Variants in EDNRA observed in about 807,000 individuals in gnomAD.
The protein encoded by EDNRA is endothelin receptor type A, also known as endothelin-1 receptor.
In EDNRA, 11 loss-of-function variants were observed where a neutral mutation model predicts 41.4. That is an observed-to-expected ratio of 0.27 (90% CI 0.17 to 0.44). The LOEUF is 0.44. EDNRA is among the 20% of genes least tolerant of loss of function. The pLI, the probability that EDNRA is intolerant of heterozygous loss-of-function variation, is 1.00. For synonymous variants in EDNRA, 172 were observed against 183.0 expected, an observed-to-expected ratio of 0.94 and a Z score of 0.49; for missense variants, 294 against 531.0, an observed-to-expected ratio of 0.55 and a Z score of 4.39.
At chr4:147,532,325 CAAA>C (rs59851236) in intron 3 of EDNRA, among the ~76,000 whole-genome samples, 178 bp from the exon 4 acceptor site, 1,395 of 60,376 alleles carry the variant, frequency 0.023, 29 homozygotes, top group African/African-American at 0.081. Flanking sequence ...GATTTTGCCT[CAAA>C]AAAAAAAAAA....
rs182971059 is a variant in EDNRA, at chr4:147,485,027, C to T, written c.-70-585C>T. On this transcript the variant is annotated intron_variant, in intron 1 of 7. Coordinates refer to ENST00000651419, the MANE Select transcript of EDNRA (RefSeq NM_001957.4). Reference sequence around the variant, plus strand: ...TTTTAGAAGATTCAATTTTTACATTCGATAATTTTATTTTATGCCTCAATA... The same window carrying T: ...TTTTAGAAGATTCAATTTTTACATTTGATAATTTTATTTTATGCCTCAATA... 3.0e-3 allele frequency among the ~76,000 whole-genome samples: 461 copies of T among 152,210 alleles called. 3 individuals carry two copies. The highest frequency in any genetic ancestry group is 0.027 in the South Asian group (128 of 4,828).
At chr4:147,483,049 C>G (rs1728826639) in intron 1 of EDNRA, among the ~76,000 whole-genome samples, 1 of 152,216 alleles carries the variant, frequency 6.6e-6, no homozygotes, top group Non-Finnish European at 1.5e-5. Context: ...TCTTCTCCCC[C>G]CTGTATCTGT....
rs1731136142 is a variant in EDNRA, at chr4:147,542,390, C to T, written c.1144-88C>T. 8 of 1,556,132 alleles carry T rather than the reference C, an allele frequency of 5.1e-6. No homozygotes were observed. The African/African-American group carries it at 5.4e-5, about 11-fold the overall frequency. ...TCCCTCGAATGCGAATGGACATTTG[C>T]CCCTCATTAGCATGGCCCAGGGCCG... On this transcript the variant is annotated intron_variant, in intron 7 of 7. Transcript: ENST00000651419.
chr4:147,542,430 G>C (rs1231523628), intron 7 of EDNRA, 48 bp from the exon 8 acceptor site: 3 of 1,611,864 alleles, frequency 1.9e-6, no homozygotes, highest in African/African-American at 2.7e-5. Context: ...GTTTGGCCGG[G>C]AATGGGCTGG....
At chr4:147,497,787 C>A (rs563701202) in intron 2 of EDNRA, among the ~76,000 whole-genome samples, 1 of 152,008 alleles carries the variant, frequency 6.6e-6, no homozygotes, top group African/African-American at 2.4e-5. Context: ...TTAGCCAGGA[C>A]GGTCTGCATC....
intron 5 of EDNRA, 96 bp downstream of exon 5, chr4:147,536,125 T>A (rs1730912706): frequency 2.9e-6 from 4 of 1,396,048 alleles, no homozygotes; most frequent in Non-Finnish European, 3.9e-6. Flanking sequence ...TTAGCCTGAT[T>A]TCCTAAAATA....
At chr4:147,500,047 T>A (rs1729457690) in intron 2 of EDNRA, among the ~76,000 whole-genome samples, 1 of 151,940 alleles carries the variant, frequency 6.6e-6, no homozygotes, top group African/African-American at 2.4e-5. Flanking sequence ...TCAGGTGGTC[T>A]GCCCGCCTCA....
chr4:147,520,416 T>C (rs767808611), intron 3 of EDNRA: 8 of 519,194 alleles, frequency 1.5e-5, no homozygotes, highest in South Asian at 1.1e-4. Flanking sequence ...CCCTGCCTTT[T>C]TGAAAGACTG....
intron 2 of EDNRA, among the ~76,000 whole-genome samples, chr4:147,516,166 G>A (rs769489311): frequency 6.6e-6 from 1 of 152,152 alleles, no homozygotes; most frequent in Non-Finnish European, 1.5e-5. Context: ...TTGAGAAGAG[G>A]AGAACATGAT....
At chr4:147,530,845 C>T (rs1451357415) in intron 3 of EDNRA, among the ~76,000 whole-genome samples, 2 of 152,128 alleles carry the variant, frequency 1.3e-5, no homozygotes, top group Non-Finnish European at 2.9e-5. Context: ...GCATGTCCTG[C>T]AAACCCATGA....
At chr4:147,528,061 T>C (rs977482340) in intron 3 of EDNRA, among the ~76,000 whole-genome samples, 1 of 152,254 alleles carries the variant, frequency 6.6e-6, no homozygotes, top group South Asian at 2.1e-4. Flanking sequence ...AGTGTGCTAT[T>C]AGCTTTAGCC....
At chr4:147,521,166 G>A (rs1268682656) in intron 3 of EDNRA, among the ~76,000 whole-genome samples, 1 of 152,106 alleles carries the variant, frequency 6.6e-6, no homozygotes, top group Non-Finnish European at 1.5e-5. Context: ...GCTAAGGTGG[G>A]AGAATCACCT....
chr4:147,539,364 C>A (rs1731021740), intron 5 of EDNRA, among the ~76,000 whole-genome samples: 1 of 151,956 alleles, frequency 6.6e-6, no homozygotes, highest in Admixed American at 6.6e-5. Context: ...TGTTCAGTCT[C>A]CTTGCCTTCC....
chr4:147,507,160 C>A (rs1278350958), intron 2 of EDNRA, among the ~76,000 whole-genome samples: 1 of 151,362 alleles, frequency 6.6e-6, no homozygotes, highest in Non-Finnish European at 1.5e-5. Flanking sequence ...AAAAAACAGT[C>A]AACTACAGAA....
chr4:147,512,255 C>T (rs905117161), intron 2 of EDNRA, among the ~76,000 whole-genome samples: 1 of 152,206 alleles, frequency 6.6e-6, no homozygotes, highest in Non-Finnish European at 1.5e-5. Flanking sequence ...CTTCAGGTGA[C>T]TGAGATTCTC....
chr4:147,503,337 G>A (rs767688723), intron 2 of EDNRA, among the ~76,000 whole-genome samples: 19 of 151,960 alleles, frequency 1.3e-4, no homozygotes, highest in Non-Finnish European at 2.5e-4. Context: ...TGTCCTGAGC[G>A]AGCTAAGTGA....
intron 2 of EDNRA, among the ~76,000 whole-genome samples, chr4:147,487,232 A>G (rs974575138): frequency 6.6e-6 from 1 of 152,174 alleles, no homozygotes; most frequent in African/African-American, 2.4e-5. Context: ...TGGGGATTAC[A>G]TTTCAACATG....
chr4:147,485,980 C>G lies in EDNRA; in HGVS notation c.299C>G (p.Thr100Ser). 1.2e-6 allele frequency: 2 copies of G among 1,614,244 alleles called. No homozygotes were observed. The highest frequency in any genetic ancestry group is 1.7e-6 in the Non-Finnish European group (2 of 1,180,038). ...IFIVGMVGNA[T>S]LLRIIYQNKC... ...ATCGTGGGAATGGTGGGGAATGCAA[C>G]TCTGCTCAGGATCATTTACCAGAAC... Residue 100 changes from threonine to serine, a missense_variant, in exon 2 of 8, where the codon ACT (threonine) becomes AGT (serine). Thr to Ser is a moderately conservative substitution (Grantham distance 58). Coordinates refer to ENST00000651419, the MANE Select transcript of EDNRA (RefSeq NM_001957.4).
chr4:147,521,077 G>C (rs1038779261), intron 3 of EDNRA, among the ~76,000 whole-genome samples: 3 of 151,896 alleles, frequency 2.0e-5, no homozygotes, highest in African/African-American at 7.3e-5. Flanking sequence ...AGTAACATAG[G>C]AAAACCCCAT....
Sources: allele counts gnomAD v4.1 joint callset (sites outside exome capture counted in the v4.1 genomes callset), GRCh38; gene constraint gnomAD v4.1.1; transcripts MANE v1.5; gene names NCBI Gene and HGNC (gene_info 2026-07-23, HGNC 2026-07-21).